Variants in DCAF12L2 observed in about 807,000 individuals in gnomAD.
DCAF12L2 encodes the protein DDB1 and CUL4 associated factor 12 like 2, also known as DDB1- and CUL4-associated factor 12-like protein 2.
DCAF12L2 carries 16 observed loss-of-function variants against 20.2 expected under a neutral mutation model. The observed-to-expected ratio is 0.79, with a 90% CI of 0.54 to 1.20. The LOEUF is 1.20. Among genes scored for constraint, DCAF12L2 ranks in the 50% most tolerant of loss-of-function variants. The probability of loss-of-function intolerance (pLI) is 0.00; values close to 1 mark genes in which losing one functional copy is unlikely to be tolerated. For synonymous variants in DCAF12L2, 195 were observed against 190.0 expected (o/e 1.03, Z -0.22); for missense variants, 355 against 404.8 (o/e 0.88, Z 1.06).
Position 126,165,220 on chromosome X carries a change from G to T in DCAF12L2, c.705C>A (p.Ser235Arg). 5 of 1,211,834 alleles carry T rather than the reference G, an allele frequency of 4.1e-6. No homozygotes were observed. Among genetic ancestry groups the T allele is most frequent in the South Asian group, 1.8e-5 (1 of 56,996 alleles). ...DMFNGSIAWH[S>R]EVGLPVYAHI... ...GGGCATATACTGGGAGACCCACCTC[G>T]CTGTGCCAGGCAATGCTGCCATTAA... is the stretch of plus-strand genomic sequence containing the variant. Residue 235 changes from serine to arginine, a missense_variant, in exon 1 of 1, where the codon AGC becomes AGA. Physicochemically the swap from Ser to Arg is moderately radical, Grantham distance 110. Coordinates refer to ENST00000360028, the MANE Select transcript of DCAF12L2 (RefSeq NM_001013628.3).
In DCAF12L2 at chrX:126,164,909, T is replaced by TGCTGGC. The variant is rs748756875; in HGVS notation, c.1010_1015dup (p.Arg337_Gln338dup). The TGCTGGC allele has an allele frequency of 1.6e-6, 2 of 1,212,215 alleles. No individual in the cohort carries two copies. Among genetic ancestry groups the TGCTGGC allele is most frequent in the East Asian group, 5.9e-5 (2 of 33,838 alleles). On this transcript the variant is annotated inframe_insertion, in exon 1 of 1. Coordinates refer to ENST00000360028, the MANE Select transcript of DCAF12L2 (RefSeq NM_001013628.3). ...TCGAGAGCACAGGGGCCGGATGTTC[T>TGCTGGC]GCTGGCGCTGGCGCGGATCCAGGAA...
Position 126,164,414 on chromosome X carries a change from T to G in DCAF12L2, c.*119A>C. 1 of 931,425 alleles carries G rather than the reference T, an allele frequency of 1.1e-6. No individual in the cohort carries two copies. The highest frequency in any genetic ancestry group is 1.5e-6 in the Non-Finnish European group (1 of 684,617). 76.8% of individuals were successfully genotyped at this position (931,425 alleles called of 1,213,427 possible). A position where few individuals can be genotyped will look rare whatever the true frequency, so the allele number is the denominator to read the frequency against. On this transcript the variant is annotated 3_prime_UTR_variant, in exon 1 of 1. Transcript: ENST00000360028. ...TACATTAAGCACACGTAAGTTGGAC[T>G]GGTTCCACCTGGAAGACAAAAGCCA...
At position 126,165,302 on chromosome X, in the gene DCAF12L2, G is replaced by A. The variant is rs199739505; in HGVS notation, c.623C>T (p.Ala208Val). 4.6e-4 allele frequency: 563 copies of A among 1,211,578 alleles called. 1 individual carries two copies. Among genetic ancestry groups the A allele is most frequent in the Non-Finnish European group, 6.0e-4 (539 of 895,498 alleles). The change falls in exon 1 of 1, where the codon GCT becomes GTT. Residue 208 changes from alanine (A) to valine (V), a missense_variant. Ala to Val is a moderately conservative substitution (Grantham distance 64). Transcript: ENST00000360028. ...FAVAWLSDTV[A>V]VSGSRDGTVA... The stretch of plus-strand genomic sequence containing the variant: ...GGTGCCGTCGCGGGAGCCGCTCACA[G>A]CTACGGTGTCACTCAGCCAGGCGAC...
rs781078089 is a variant in DCAF12L2 at position 126,165,009 on chromosome X, A to C, written c.916T>G (p.Cys306Gly). ...SRLLSIRLPY[C>G]RENVCLTYCD... ...TAGGTCAGGCACACATTCTCTCGGC[A>C]GTAGGGCAGCCTGATGGACAGGAGC... is the stretch of plus-strand genomic sequence containing the variant. Residue 306 changes from cysteine to glycine, a missense_variant, in exon 1 of 1, where the codon TGC becomes GGC. Transcript: ENST00000360028. The C allele has an allele frequency of 8.2e-7, 1 of 1,212,284 alleles. No individual in the cohort carries two copies. Among genetic ancestry groups the C allele is most frequent in the East Asian group, 3.0e-5 (1 of 33,820 alleles).
In DCAF12L2 at chrX:126,165,526, GA is replaced by G; in HGVS notation, c.398del (p.Ile133ThrfsTer25). On this transcript the variant is annotated frameshift_variant, in exon 1 of 1. Transcript: ENST00000360028. LOFTEE classifies it high-confidence loss of function. ...CGGCCTCCTTGTCCCGCATGAGGGGGATGCGCGTGATGTGGCCTGACTGCAC... is the reference window on the plus strand; with the variant it reads ...CGGCCTCCTTGTCCCGCATGAGGGGGTGCGCGTGATGTGGCCTGACTGCAC... The part of the protein sequence containing the change: ...VDVQSGHITR[I>X]PLMRDKEAGL... 1 of 1,212,394 alleles carries G rather than the reference GA, an allele frequency of 8.2e-7. No homozygotes were observed. Among genetic ancestry groups the G allele is most frequent in the Non-Finnish European group, 1.1e-6 (1 of 895,560 alleles).
At position 126,165,702 on chromosome X, in the gene DCAF12L2, G is replaced by C. The variant is rs748459695; in HGVS notation, c.223C>G (p.Leu75Val). Reference protein sequence around the residue: ...PAGLQGFEGELRGYAVQRLPE... With the variant: ...PAGLQGFEGEVRGYAVQRLPE... ...AGCCTCTGGACGGCGTAGCCCCGCA[G>C]CTCGCCCTCGAAGCCCTGGAGCCCG... is the stretch of plus-strand genomic sequence containing the variant. The change falls in exon 1 of 1, where the codon CTG becomes GTG. Residue 75 changes from leucine (L) to valine (V), a missense_variant. Physicochemically the swap from Leu to Val is conservative, Grantham distance 32. Coordinates refer to ENST00000360028, the MANE Select transcript of DCAF12L2 (RefSeq NM_001013628.3). 2.2e-5 allele frequency: 27 copies of C among 1,209,398 alleles called. No homozygotes were observed. The East Asian group carries it at 5.9e-4, about 27-fold the overall frequency.
At position 126,165,035 on chromosome X, in the gene DCAF12L2, C is replaced by T. The variant is rs1569366723; in HGVS notation, c.890G>A (p.Arg297Lys). The part of the protein sequence containing the change: ...HLWKARSTLS[R>K]LLSIRLPYCR... ...GTAGGGCAGCCTGATGGACAGGAGCCTGGATAGTGTGCTCCGGGCTTTCCA... is the reference window on the plus strand; with the variant it reads ...GTAGGGCAGCCTGATGGACAGGAGCTTGGATAGTGTGCTCCGGGCTTTCCA... Residue 297 changes from arginine to lysine, a missense_variant, in exon 1 of 1, where the codon AGG becomes AAG. Transcript: ENST00000360028. 4.1e-6 allele frequency: 5 copies of T among 1,212,242 alleles called. No individual in the cohort carries two copies. Among genetic ancestry groups the T allele is most frequent in the Non-Finnish European group, 5.6e-6 (5 of 895,604 alleles).
rs1328334959 is a variant in DCAF12L2, at chrX:126,164,348, G to A, written c.*185C>T. The A allele has an allele frequency of 3.6e-5, 19 of 526,780 alleles. No individual in the cohort carries two copies. The highest frequency in any genetic ancestry group is 5.2e-5 in the Non-Finnish European group (18 of 347,828). 43.4% of individuals were successfully genotyped at this position (526,780 alleles called of 1,213,427 possible). On this transcript the variant is annotated 3_prime_UTR_variant, in exon 1 of 1. Coordinates refer to ENST00000360028, the MANE Select transcript of DCAF12L2 (RefSeq NM_001013628.3). ...TTTGACTGCCGAAAGGACCACTTGT[G>A]CTCTCTCGCTCCCGCTCTCTCTCTT...
In DCAF12L2 at chrX:126,165,295, G is replaced by A. The variant is rs368680744; in HGVS notation, c.630C>T (p.Ser210=). 4 of 1,212,403 alleles carry A rather than the reference G, an allele frequency of 3.3e-6. No homozygotes were observed. The African/African-American group carries it at 6.9e-5, about 21-fold the overall frequency. Residue 210 remains serine (S), a synonymous_variant, in exon 1 of 1, where the codon AGC becomes AGT. Transcript: ENST00000360028. ...VAWLSDTVAV[S]GSRDGTVALW... is the part of the protein sequence containing the mutation. ...GAGCCACGGTGCCGTCGCGGGAGCCGCTCACAGCTACGGTGTCACTCAGCC... is the reference window on the plus strand; with the variant it reads ...GAGCCACGGTGCCGTCGCGGGAGCCACTCACAGCTACGGTGTCACTCAGCC...
rs755700329 is a variant in DCAF12L2 at position 126,164,155 on chromosome X, T to C, written c.*378A>G. On this transcript the variant is annotated 3_prime_UTR_variant, in exon 1 of 1. Transcript: ENST00000360028. ...AACACTATTGCAATATTGATAAAAC[T>C]AACGTACTGAATAGTAGTGAAGACT... The C allele has an allele frequency of 1.9e-5, 3 of 160,560 alleles. No individual in the cohort carries two copies. Among genetic ancestry groups the C allele is most frequent in the African/African-American group, 9.2e-5 (3 of 32,586 alleles). The allele number at this position is 160,560 out of a possible 1,213,427, so 13.2% of individuals were successfully genotyped here.
chrX:126,165,550 C>CA lies in DCAF12L2; in HGVS notation c.374dup (p.Gln126AlafsTer80), dbSNP rs1569366964. ...GGATGCGCGTGATGTGGCCTGACTGCACGTCCACCACAAACAGCGTATTAC... is the reference window on the plus strand; with the variant it reads ...GGATGCGCGTGATGTGGCCTGACTGCAACGTCCACCACAAACAGCGTATTAC... On this transcript the variant is annotated frameshift_variant, in exon 1 of 1. Transcript: ENST00000360028. LOFTEE classifies it high-confidence loss of function. 1 of 1,212,351 alleles carries CA rather than the reference C, an allele frequency of 8.2e-7. No homozygotes were observed.
In DCAF12L2 at chrX:126,165,138, G is replaced by C. The variant is rs765478106; in HGVS notation, c.787C>G (p.Arg263Gly). Residue 263 changes from arginine to glycine, a missense_variant, in exon 1 of 1, where the codon CGC (arginine) becomes GGC (glycine). By Grantham distance (125) the Arg-to-Gly change is moderately radical (BLOSUM62 -2). Coordinates refer to ENST00000360028, the MANE Select transcript of DCAF12L2 (RefSeq NM_001013628.3). The stretch of plus-strand genomic sequence containing the variant: ...CTGAAGGCCAGGGCCCGTACCTTGC[G>C]GTTGCTGGGGTTGGTGCTGGCCCTG... The part of the protein sequence containing the change: ...IPRASTNPSN[R>G]KVRALAFSGK... 5 of 1,212,102 alleles carry C rather than the reference G, an allele frequency of 4.1e-6. No individual in the cohort carries two copies. In the East Asian group the frequency reaches 1.2e-4, roughly 29 times the overall value.
At position 126,165,982 on chromosome X, in the gene DCAF12L2, C is replaced by CGG; in HGVS notation, c.-59_-58insCC. ...CGGCGGCGGCGGCGGCGGCGGCGGC[C>CGG]CGGCGGCGGTGGCGGCGCGTGGCAC... On this transcript the variant is annotated 5_prime_UTR_variant, in exon 1 of 1. Transcript: ENST00000360028. The CGG allele has an allele frequency of 2.6e-6, 2 of 754,792 alleles. No individual in the cohort carries two copies. The highest frequency in any genetic ancestry group is 8.3e-5 in the Admixed American group (1 of 12,070). The allele number at this position is 754,792 out of a possible 1,213,427, so 62.2% of individuals were successfully genotyped here.
rs1483165210 is a variant in DCAF12L2, at chrX:126,166,075, C to T, written c.-151G>A. On this transcript the variant is annotated 5_prime_UTR_variant, in exon 1 of 1. Transcript: ENST00000360028. ...CGCGTCAGCCGAGAGCTCAGGATCT[C>T]TAAGACCAAGAAGCTGGTGCGATCG... 4 of 623,604 alleles carry T rather than the reference C, an allele frequency of 6.4e-6. No individual in the cohort carries two copies. Among genetic ancestry groups the T allele is most frequent in the Non-Finnish European group, 7.7e-6 (4 of 522,031 alleles). The allele number at this position is 623,604 out of a possible 1,213,427, so 51.4% of individuals were successfully genotyped here.
chrX:126,165,619 C>A lies in DCAF12L2; in HGVS notation c.306G>T (p.Ala102=). ...CCTGCCTGGCGTTCAGCCACTGTGA[C>A]GCGAACACCTTGTTGAGGGTGCCCA... ...LDLGTLNKVF[A]SQWLNARQVV... is the part of the protein sequence containing the mutation. Residue 102 remains alanine, a synonymous_variant, in exon 1 of 1, where the codon GCG becomes GCT. Coordinates refer to ENST00000360028, the MANE Select transcript of DCAF12L2 (RefSeq NM_001013628.3). The A allele has an allele frequency of 8.2e-7, 1 of 1,212,250 alleles. No individual in the cohort carries two copies. Among genetic ancestry groups the A allele is most frequent in the Non-Finnish European group, 1.1e-6 (1 of 895,553 alleles).
At position 126,166,138 on chromosome X, in the gene DCAF12L2, G is replaced by A. The variant is rs1602937548; in HGVS notation, c.-214C>T. 1.4e-5 allele frequency: 4 copies of A among 294,272 alleles called. No individual in the cohort carries two copies. Among genetic ancestry groups the A allele is most frequent in the Non-Finnish European group, 1.8e-5 (4 of 219,277 alleles). The allele number at this position is 294,272 out of a possible 1,213,427, so 24.3% of individuals were successfully genotyped here. ...CTTCAGTCTGAGGCTCGGCGGCGGC[G>A]GCGGCGGCAGCGGTCGTCCTGGCCA... On this transcript the variant is annotated 5_prime_UTR_variant, in exon 1 of 1. Transcript: ENST00000360028.
chrX:126,164,237 A>C lies in DCAF12L2; in HGVS notation c.*296T>G, dbSNP rs1233406439. 6.4e-6 allele frequency: 2 copies of C among 311,548 alleles called. No individual in the cohort carries two copies. Among genetic ancestry groups the C allele is most frequent in the African/African-American group, 5.4e-5 (2 of 37,355 alleles). 25.7% of individuals were successfully genotyped at this position (311,548 alleles called of 1,213,427 possible). A position where few individuals can be genotyped will look rare whatever the true frequency, so the allele number is the denominator to read the frequency against. ...GTGAATCACTGAAAGACAGAACACAATTAAGGTTTAGCCAAAACTCTTTGA... is the reference window on the plus strand; with the variant it reads ...GTGAATCACTGAAAGACAGAACACACTTAAGGTTTAGCCAAAACTCTTTGA... On this transcript the variant is annotated 3_prime_UTR_variant, in exon 1 of 1. Coordinates refer to ENST00000360028, the MANE Select transcript of DCAF12L2 (RefSeq NM_001013628.3).
At position 126,165,382 on chromosome X, in the gene DCAF12L2, G is replaced by C. The variant is rs764286643; in HGVS notation, c.543C>G (p.Thr181=). The change falls in exon 1 of 1, where the codon ACC becomes ACG. Residue 181 remains threonine (T), a synonymous_variant. Transcript: ENST00000360028. ...PNSLAIYQLP[T]LDPLCLGDRH... is the part of the protein sequence containing the mutation. ...GGTCGCCCAGGCACAGGGGGTCCAG[G>C]GTGGGCAGCTGGTAGATGGCCAGGC... The C allele has an allele frequency of 1.3e-5, 16 of 1,212,004 alleles. No individual in the cohort carries two copies. In the East Asian group the frequency reaches 4.7e-4, roughly 36 times the overall value.
Position 126,165,836 on chromosome X carries a change from G to A in DCAF12L2, c.89C>T (p.Ala30Val). 1 of 1,207,015 alleles carries A rather than the reference G, an allele frequency of 8.3e-7. No individual in the cohort carries two copies. The change falls in exon 1 of 1, where the codon GCG becomes GTG. Residue 30 changes from alanine (A) to valine (V), a missense_variant. Transcript: ENST00000360028. Reference protein sequence around the residue: ...AGSSSSQGLAAADGEGPLLPK... With the variant: ...AGSSSSQGLAVADGEGPLLPK... ...TAGCAGAGGCCCCTCTCCGTCCGCCGCCGCTAAACCCTGCGACGACGAGCT... is the reference window on the plus strand; with the variant it reads ...TAGCAGAGGCCCCTCTCCGTCCGCCACCGCTAAACCCTGCGACGACGAGCT...
Sources: allele counts gnomAD v4.1 joint callset, GRCh38; gene constraint gnomAD v4.1.1; transcripts MANE v1.5; gene names NCBI Gene and HGNC (gene_info 2026-07-23, HGNC 2026-07-21).